The following SHISA5 variants were observed in gnomAD, a reference collection of about 807,000 sequenced individuals.
SHISA5 encodes the protein protein shisa-5.
In SHISA5, 21 loss-of-function variants were observed where a neutral mutation model predicts 27.5. The observed-to-expected ratio is 0.76, with a 90% CI of 0.54 to 1.10. The LOEUF (loss-of-function observed/expected upper bound fraction) is 1.10, where lower values mean the gene tolerates loss of function less well. SHISA5 is among the 50% of genes least tolerant of loss of function. The pLI is 0.00. For missense variants in SHISA5, 314 were observed against 336.3 expected (o/e 0.93, Z 0.52); for synonymous variants, 137 against 142.2 (o/e 0.96, Z 0.26).
At chr3:48,474,357 A>G (rs182707094) in intron 3 of SHISA5, among the ~76,000 whole-genome samples, 3 of 146,806 alleles carry the variant, frequency 2.0e-5, no homozygotes, top group East Asian at 4.0e-4. Context: ...TTTTTTTGAG[A>G]CAGAGTCTTT....
chr3:48,472,926 C>T (rs1296982469), intron 3 of SHISA5: 3 of 1,340,970 alleles, frequency 2.2e-6, no homozygotes, highest in Middle Eastern at 1.8e-4. Flanking sequence ...CAATGACATG[C>T]GACCGCAAGG....
At chr3:48,497,887 C>CAAAAAAAA (rs58891931) in intron 2 of SHISA5, among the ~76,000 whole-genome samples, 1 of 132,966 alleles carries the variant, frequency 7.5e-6, no homozygotes, top group African/African-American at 2.6e-5. Flanking sequence ...GAGACTGTCT[C>CAAAAAAAA]AAAAAAAAAA....
intron 2 of SHISA5, 58 bp from the exon 3 acceptor site, chr3:48,479,315 A>G (rs2040929103): frequency 6.6e-7 from 1 of 1,511,654 alleles, no homozygotes. Context: ...GCCAGCACAA[A>G]CACTACCTTA....
At chr3:48,479,118 C>T in intron 3 of SHISA5, 59 bp downstream of exon 3, 1 of 1,490,388 alleles carries the variant, frequency 6.7e-7, no homozygotes. Flanking sequence ...CACTGGCCCC[C>T]CTGAGCCCTC....
In SHISA5 at chr3:48,473,116, A is replaced by G; in HGVS notation, c.315-3273T>C. The G allele has an allele frequency of 6.8e-7, 1 of 1,479,852 alleles. No individual in the cohort carries two copies. The highest frequency in any genetic ancestry group is 1.3e-5 in the South Asian group (1 of 76,902). 91.7% of individuals were successfully genotyped at this position (1,479,852 alleles called of 1,614,324 possible). A position where few individuals can be genotyped will look rare whatever the true frequency, so the allele number is the denominator to read the frequency against. On this transcript the variant is annotated intron_variant, in intron 3 of 5. Transcript: ENST00000296444. This position sits in a 1 kb window ranked among gnomAD's most constrained non-coding sequence, Gnocchi z 4.3. Reference sequence around the variant, plus strand: ...CAATTTCCTCCCCTTTTGGAGAAAAAGAAAGCAAATCTCCTCCAGATGACG... The same window carrying G: ...CAATTTCCTCCCCTTTTGGAGAAAAGGAAAGCAAATCTCCTCCAGATGACG...
At position 48,469,941 on chromosome 3, in the gene SHISA5, G is replaced by A. The variant is rs1161854495; in HGVS notation, c.315-98C>T. ...TGCCCCTCTTGCCAGAAGGGGTCTG[G>A]GCAATACAGTTATAGCTACTTCCTT... is the stretch of plus-strand genomic sequence containing the variant. On this transcript the variant is annotated intron_variant, in intron 3 of 5. Transcript: ENST00000296444. The surrounding 1 kb of genome is among the most constrained non-coding windows in gnomAD (Gnocchi z 4.6). The A allele has an allele frequency of 2.7e-6, 4 of 1,466,782 alleles. No homozygotes were observed. The highest frequency in any genetic ancestry group is 3.7e-6 in the Non-Finnish European group (4 of 1,084,830). 90.9% of individuals were successfully genotyped at this position (1,466,782 alleles called of 1,614,324 possible).
chr3:48,479,119 CT>C (rs1383411500), intron 3 of SHISA5, 57 bp downstream of exon 3: 7 of 1,499,148 alleles, frequency 4.7e-6, no homozygotes, highest in Middle Eastern at 2.1e-4. Flanking sequence ...ACTGGCCCCC[CT>C]GAGCCCTCTT....
At chr3:48,483,695 G>T (rs1294488179) in intron 2 of SHISA5, among the ~76,000 whole-genome samples, 1 of 151,330 alleles carries the variant, frequency 6.6e-6, no homozygotes, top group African/African-American at 2.4e-5. Flanking sequence ...CCTCCCGGAC[G>T]GGGCGGCTGG....
At position 48,491,887 on chromosome 3, in the gene SHISA5, T is replaced by C. The variant is rs894271138; in HGVS notation, c.233+9250A>G. Among the ~76,000 whole-genome samples the C allele has an allele frequency of 6.6e-5, 10 of 151,876 alleles. 1 individual carries two copies. The highest frequency in any genetic ancestry group is 4.1e-4 in the South Asian group (2 of 4,824). ...CTACTGATTTCTCTCCCTTTTGTAA[T>C]AGGGGTGGCTATCCTTTGCCTGTCC... On this transcript the variant is annotated intron_variant, in intron 2 of 5. Transcript: ENST00000296444.
chr3:48,503,661 T>C (rs1365239405), intron 1 of SHISA5: 9 of 1,053,920 alleles, frequency 8.5e-6, no homozygotes, highest in Admixed American at 4.8e-5. Flanking sequence ...AGGCCTCTGA[T>C]GGAGGGGCCA....
At chr3:48,472,301 A>G (rs1357545721) in intron 3 of SHISA5, among the ~76,000 whole-genome samples, 1 of 151,228 alleles carries the variant, frequency 6.6e-6, no homozygotes, top group Non-Finnish European at 1.5e-5. Flanking sequence ...CAGCCTGGGC[A>G]ACATAGTGAA....
chr3:48,472,246 G>C (rs2040656211), intron 3 of SHISA5, among the ~76,000 whole-genome samples: 1 of 151,640 alleles, frequency 6.6e-6, no homozygotes, highest in African/African-American at 2.4e-5. Context: ...CTAACACTTT[G>C]GGAGGCCGAG....
intron 2 of SHISA5, among the ~76,000 whole-genome samples, chr3:48,486,707 A>G (rs572299908): frequency 1.4e-5 from 2 of 144,612 alleles, no homozygotes; most frequent in South Asian, 2.1e-4. Flanking sequence ...AGCTTGATCA[A>G]CATGGTGAAA....
At chr3:48,488,352 C>T (rs917889225) in intron 2 of SHISA5, among the ~76,000 whole-genome samples, 2 of 150,806 alleles carry the variant, frequency 1.3e-5, no homozygotes, top group East Asian at 2.0e-4. Flanking sequence ...CTTAGCCTCC[C>T]GAGTAGCTGG....
chr3:48,497,879 G>A (rs2041605049), intron 2 of SHISA5, among the ~76,000 whole-genome samples: 1 of 140,754 alleles, frequency 7.1e-6, no homozygotes. Context: ...AACAGAGTGA[G>A]ACTGTCTCAA....
rs1432795071 is a variant in SHISA5, at chr3:48,470,593, GC to G, written c.315-751del. ...CTGGAGGCAGGAGGCCAGAGGGCCTGCCCTTTGAGAAAGCAGGCCCTGGGCT... is the reference window on the plus strand; with the variant it reads ...CTGGAGGCAGGAGGCCAGAGGGCCTGCCTTTGAGAAAGCAGGCCCTGGGCT... On this transcript the variant is annotated intron_variant, in intron 3 of 5. Coordinates refer to ENST00000296444, the MANE Select transcript of SHISA5 (RefSeq NM_016479.6). This position sits in a 1 kb window ranked among gnomAD's most constrained non-coding sequence, Gnocchi z 4.3. 2.0e-5 allele frequency among the ~76,000 whole-genome samples: 3 copies of G among 152,224 alleles called. No homozygotes were observed. Among genetic ancestry groups the G allele is most frequent in the Admixed American group, 2.0e-4 (3 of 15,292 alleles).
Position 48,468,180 on chromosome 3 carries a change from T to C in SHISA5, c.*927A>G, listed in dbSNP as rs547523118. On this transcript the variant is annotated 3_prime_UTR_variant, in exon 6 of 6. Coordinates refer to ENST00000296444, the MANE Select transcript of SHISA5 (RefSeq NM_016479.6). ...GCCAGGTTGTCCATCTCTGAGCCAA[T>C]TTCCCTCCACAACCCAGGGGTTTCA... 4.0e-6 allele frequency: 4 copies of C among 999,868 alleles called. No homozygotes were observed. Among genetic ancestry groups the C allele is most frequent in the East Asian group, 2.1e-4 (2 of 9,594 alleles). The allele number at this position is 999,868 out of a possible 1,614,324, so 61.9% of individuals were successfully genotyped here. A position where few individuals can be genotyped will look rare whatever the true frequency, so the allele number is the denominator to read the frequency against.
At chr3:48,490,914 C>G (rs889745526) in intron 2 of SHISA5, among the ~76,000 whole-genome samples, 1 of 152,162 alleles carries the variant, frequency 6.6e-6, no homozygotes, top group Non-Finnish European at 1.5e-5. Context: ...CTAAGGGCAG[C>G]CACTAGAAGA....
In SHISA5 at chr3:48,473,300, T is replaced by C. The variant is rs1419614207; in HGVS notation, c.315-3457A>G. 7.2e-7 allele frequency: 1 copy of C among 1,386,642 alleles called. No individual in the cohort carries two copies. The highest frequency in any genetic ancestry group is 9.4e-7 in the Non-Finnish European group (1 of 1,061,798). 85.9% of individuals were successfully genotyped at this position (1,386,642 alleles called of 1,614,324 possible). On this transcript the variant is annotated intron_variant, in intron 3 of 5. Coordinates refer to ENST00000296444, the MANE Select transcript of SHISA5 (RefSeq NM_016479.6). This position sits in a 1 kb window ranked among gnomAD's most constrained non-coding sequence, Gnocchi z 4.3. ...CATTTGCCTCCCAGAGCTGCCTCCCTGAGCCAAGCCTACAGGGCCTGACCT... is the reference window on the plus strand; with the variant it reads ...CATTTGCCTCCCAGAGCTGCCTCCCCGAGCCAAGCCTACAGGGCCTGACCT...
Sources: gnomAD v4.1 joint callset for allele counts (sites outside exome capture counted in the v4.1 genomes callset) on GRCh38, gnomAD v4.1.1 for gene constraint, Gnocchi (gnomAD v3.1) non-coding constraint, MANE v1.5 for transcripts, NCBI Gene and HGNC (gene_info 2026-07-23, HGNC 2026-07-21) for gene names.